HCN1: variants seen among roughly 807,000 people sequenced by gnomAD.
HCN1 encodes the protein potassium/sodium hyperpolarization-activated cyclic nucleotide-gated channel 1.
HCN1 carries 13 observed loss-of-function variants against 78.9 expected under a neutral mutation model. The observed-to-expected ratio is 0.16, with a 90% CI of 0.11 to 0.26. The LOEUF is 0.26. Ranked by LOEUF, HCN1 falls within the 10% of genes least tolerant of loss-of-function variation. The pLI is 1.00. For missense variants in HCN1, 810 were observed against 1,154.3 expected, an observed-to-expected ratio of 0.70 and a Z score of 4.32; for synonymous variants, 552 against 455.5, an observed-to-expected ratio of 1.21 and a Z score of -2.70.
At chr5:45,498,415 G>C (rs557530446) in intron 2 of HCN1, among the ~76,000 whole-genome samples, 1 of 152,052 alleles carries the variant, frequency 6.6e-6, no homozygotes, top group East Asian at 1.9e-4. Flanking sequence ...TGTAGTTCTC[G>C]AGCCTTGGTT....
At chr5:45,565,411 C>A (rs1359666667) in intron 2 of HCN1, among the ~76,000 whole-genome samples, 28 of 152,184 alleles carry the variant, frequency 1.8e-4, no homozygotes, top group Admixed American at 1.8e-3. Context: ...CATGTATAAT[C>A]ATGCCTGTTC....
At chr5:45,344,604 G>A (rs1017164919) in intron 5 of HCN1, among the ~76,000 whole-genome samples, 1 of 152,060 alleles carries the variant, frequency 6.6e-6, no homozygotes, top group African/African-American at 2.4e-5. Flanking sequence ...AAAATGAAGA[G>A]GTAAAGGCCT....
At chr5:45,280,600 C>T (rs528787515) in intron 6 of HCN1, among the ~76,000 whole-genome samples, 1 of 152,162 alleles carries the variant, frequency 6.6e-6, no homozygotes, top group African/African-American at 2.4e-5. Context: ...TAAGGACTGA[C>T]AGGAGTGCTC....
intron 3 of HCN1, among the ~76,000 whole-genome samples, chr5:45,432,604 T>C (rs1740485097): frequency 6.6e-6 from 1 of 152,150 alleles, no homozygotes. Context: ...CCATTCAGTA[T>C]GATGTTGGTT....
chr5:45,542,367 T>C (rs1743122019), intron 2 of HCN1, among the ~76,000 whole-genome samples: 1 of 152,176 alleles, frequency 6.6e-6, no homozygotes, highest in South Asian at 2.1e-4. Flanking sequence ...AGGGTAAATA[T>C]TTCTGATCAC....
At chr5:45,618,657 C>G (rs1745000481) in intron 2 of HCN1, among the ~76,000 whole-genome samples, 1 of 152,044 alleles carries the variant, frequency 6.6e-6, no homozygotes, top group African/African-American at 2.4e-5. Context: ...TCTTTCTAAA[C>G]ATTAATGACT....
intron 2 of HCN1, among the ~76,000 whole-genome samples, chr5:45,538,957 C>G (rs931748627): frequency 1.3e-5 from 2 of 152,162 alleles, no homozygotes; most frequent in Non-Finnish European, 1.5e-5. Flanking sequence ...AGTGGGCTCT[C>G]TTTCCTTTCT....
intron 4 of HCN1, among the ~76,000 whole-genome samples, chr5:45,373,847 T>G (rs1473570673): frequency 7.5e-6 from 1 of 132,730 alleles, no homozygotes; most frequent in Non-Finnish European, 1.6e-5. Flanking sequence ...ATATATTACA[T>G]ACGGTATATA....
chr5:45,516,309 G>C (rs1742515194), intron 2 of HCN1, among the ~76,000 whole-genome samples: 2 of 151,850 alleles, frequency 1.3e-5, no homozygotes, highest in Admixed American at 1.3e-4. Flanking sequence ...GTATTCTGGA[G>C]TAAAACTTTT....
At chr5:45,403,378 T>C (rs1201511474) in intron 3 of HCN1, among the ~76,000 whole-genome samples, 1 of 152,100 alleles carries the variant, frequency 6.6e-6, no homozygotes, top group Non-Finnish European at 1.5e-5. Flanking sequence ...TGAGACTAGG[T>C]AATTTATAAA....
intron 2 of HCN1, among the ~76,000 whole-genome samples, chr5:45,475,465 TA>T (rs1359306063): frequency 1.3e-5 from 2 of 152,080 alleles, no homozygotes; most frequent in African/African-American, 4.8e-5. Flanking sequence ...CAATTTGAGC[TA>T]ATGGGCTAAC....
At chr5:45,458,449 T>A (rs1741068221) in intron 3 of HCN1, among the ~76,000 whole-genome samples, 1 of 152,228 alleles carries the variant, frequency 6.6e-6, no homozygotes, top group East Asian at 1.9e-4. Context: ...TATCCTGGCC[T>A]GGCTCCTTAA....
chr5:45,322,842 G>A (rs749824618), intron 5 of HCN1, among the ~76,000 whole-genome samples: 20 of 151,844 alleles, frequency 1.3e-4, no homozygotes, highest in East Asian at 3.9e-4. Flanking sequence ...GTCTCAAAAT[G>A]GTTGTCATTT....
In HCN1 at chr5:45,342,417, T is replaced by G. The variant is rs564683396; in HGVS notation, c.1377+10683A>C. On this transcript the variant is annotated intron_variant, in intron 5 of 7. Coordinates refer to ENST00000303230, the MANE Select transcript of HCN1 (RefSeq NM_021072.4). ...GCTATTTTTTTTTTTTTTGTATTTT[T>G]TATTAGAGATGGAGTTTGCCATGTT... Among the ~76,000 whole-genome samples the G allele has an allele frequency of 6.1e-4, 93 of 151,718 alleles. 1 individual carries two copies. The highest frequency in any genetic ancestry group is 2.2e-3 in the African/African-American group (89 of 41,346).
At chr5:45,425,260 C>A (rs1212835653) in intron 3 of HCN1, among the ~76,000 whole-genome samples, 1 of 152,214 alleles carries the variant, frequency 6.6e-6, no homozygotes, top group Non-Finnish European at 1.5e-5. Context: ...AAGTACTTAA[C>A]ACAGTTTATA....
chr5:45,292,438 A>G (rs892592601), intron 6 of HCN1, among the ~76,000 whole-genome samples: 2 of 151,964 alleles, frequency 1.3e-5, no homozygotes, highest in African/African-American at 2.4e-5. Context: ...ATCACAACAG[A>G]AAGTTCTGCT....
At chr5:45,280,826 T>C (rs1745143129) in intron 6 of HCN1, among the ~76,000 whole-genome samples, 1 of 152,316 alleles carries the variant, frequency 6.6e-6, no homozygotes, top group African/African-American at 2.4e-5. Flanking sequence ...TCTTGGAACG[T>C]TGTAAAGCAA....
At chr5:45,502,285 T>C (rs1276965239) in intron 2 of HCN1, among the ~76,000 whole-genome samples, 2 of 150,856 alleles carry the variant, frequency 1.3e-5, no homozygotes, top group Non-Finnish European at 3.0e-5. Context: ...CTGATCAACA[T>C]GGTGAAACCC....
intron 1 of HCN1, among the ~76,000 whole-genome samples, chr5:45,664,003 G>T: frequency 7.0e-6 from 1 of 143,118 alleles, no homozygotes; most frequent in Non-Finnish European, 1.5e-5. Context: ...AAAGACACAT[G>T]CACACGTATG....
Sources: allele counts gnomAD v4.1 joint callset (sites outside exome capture counted in the v4.1 genomes callset), GRCh38; gene constraint gnomAD v4.1.1; transcripts MANE v1.5; gene names NCBI Gene and HGNC (gene_info 2026-07-23, HGNC 2026-07-21).